The following PTRH1 variants were observed in gnomAD, a reference collection of about 807,000 sequenced individuals.
The protein encoded by PTRH1 is peptidyl-tRNA hydrolase.
A neutral mutation model predicts 15.7 loss-of-function variants in PTRH1; 13 were observed. That is an observed-to-expected ratio of 0.83 (90% CI 0.54 to 1.31). The LOEUF is 1.31. Ranked by LOEUF, PTRH1 falls within the 40% of genes most tolerant of loss-of-function variation. The pLI is 0.00. For synonymous variants in PTRH1, 139 were observed against 136.7 expected, an observed-to-expected ratio of 1.02 and a Z score of -0.12; for missense variants, 319 against 296.2, an observed-to-expected ratio of 1.08 and a Z score of -0.56.
chr9:127,702,398 G>T (rs1452130743), intron 1 of PTRH1, among the ~76,000 whole-genome samples: 1 of 151,666 alleles, frequency 6.6e-6, no homozygotes, highest in Non-Finnish European at 1.5e-5. Context: ...AAAGCCGGAG[G>T]TGGTGCATGC....
At chr9:127,710,776 T>C (rs1244424614), downstream of PTRH1, 4 of 1,554,094 alleles carry the variant, frequency 2.6e-6, no homozygotes, top group African/African-American at 1.4e-5. Flanking sequence ...GGGCACCCTT[T>C]GGGGCCTTTG....
downstream of PTRH1, chr9:127,711,933 G>A: frequency 1.2e-6 from 2 of 1,606,012 alleles, no homozygotes; most frequent in East Asian, 2.2e-5. Context: ...AGCTGCAGGT[G>A]GATAACCAGG....
chr9:127,712,888 C>A, downstream of PTRH1: 1 of 1,603,916 alleles, frequency 6.2e-7, no homozygotes, highest in Non-Finnish European at 8.5e-7. Context: ...AAGCAAGTGG[C>A]CCTGTGTGGC....
chr9:127,702,654 G>C (rs1034632087), intron 1 of PTRH1, among the ~76,000 whole-genome samples: 1 of 152,058 alleles, frequency 6.6e-6, no homozygotes, highest in Non-Finnish European at 1.5e-5. Context: ...TGAGGTGCTG[G>C]GCTTTTGACA....
downstream of PTRH1, chr9:127,712,716 G>A (rs551402620): frequency 3.3e-5 from 53 of 1,614,032 alleles, no homozygotes; most frequent in Non-Finnish European, 4.2e-5. Context: ...CAGATGCACC[G>A]CGATGAAGAG....
downstream of PTRH1, among the ~76,000 whole-genome samples, chr9:127,711,008 A>C (rs991073181): frequency 6.6e-6 from 1 of 152,170 alleles, no homozygotes; most frequent in Non-Finnish European, 1.5e-5. Context: ...TATTGGGATT[A>C]AATCATGTTA....
rs1448527985 is a variant in PTRH1 at position 127,715,102 on chromosome 9, C to T, written c.189G>A (p.Ala63=). The T allele has an allele frequency of 2.0e-6, 3 of 1,533,616 alleles. No individual in the cohort carries two copies. The highest frequency in any genetic ancestry group is 2.6e-6 in the Non-Finnish European group (3 of 1,145,838). The part of the protein sequence containing the change: ...LGQLARRLGV[A]ESWTRDRHCA... ...AGTGCCGGTCGCGCGTCCAACTCTC[C>T]GCCACACCCAGCCGCCGCGCCAGCT... The change falls in exon 2 of 5, where the codon GCG becomes GCA. Residue 63 remains alanine, a synonymous_variant. Transcript: ENST00000543175. This position sits in a 1 kb window ranked among gnomAD's most constrained non-coding sequence, Gnocchi z 5.8.
At chr9:127,711,103 A>G (rs968023325), downstream of PTRH1, 3 of 1,258,200 alleles carry the variant, frequency 2.4e-6, no homozygotes, top group South Asian at 3.1e-5. Flanking sequence ...CATAGCCCCA[A>G]CCCTCCCAGG....
rs1035769803 is a variant in PTRH1, at chr9:127,705,630, C to T, written c.205+9805G>A. Among the ~76,000 whole-genome samples, 5 of 152,222 alleles carry T rather than the reference C, an allele frequency of 3.3e-5. No individual in the cohort carries two copies. Among genetic ancestry groups the T allele is most frequent in the Non-Finnish European group, 7.3e-5 (5 of 68,040 alleles). ...AAAGAGAATAGAAATGGGGGAGGCA[C>T]GGGGAGGCCCCCGGTCAACTGGGAG... is the stretch of plus-strand genomic sequence containing the variant. On this transcript the variant is annotated intron_variant, in intron 1 of 2. Coordinates refer to the PTRH1 transcript ENST00000335223. This position sits in a 1 kb window ranked among gnomAD's most constrained non-coding sequence, Gnocchi z 4.7.
At chr9:127,711,605 C>T (rs778492399), downstream of PTRH1, 5 of 1,403,004 alleles carry the variant, frequency 3.6e-6, no homozygotes, top group Non-Finnish European at 3.8e-6. Flanking sequence ...GGGAGGGAGG[C>T]AGCAGAGAGA....
downstream of PTRH1, chr9:127,709,498 A>G (rs539770707): frequency 8.7e-6 from 14 of 1,614,036 alleles, no homozygotes; most frequent in East Asian, 3.1e-4. This position sits in a 1 kb window ranked among gnomAD's most constrained non-coding sequence, Gnocchi z 4.7. Flanking sequence ...GGCCAATAAC[A>G]AGAAGGAGAT....
At chr9:127,706,175 A>G (rs1842645258) in intron 1 of PTRH1, among the ~76,000 whole-genome samples, 3 of 152,160 alleles carry the variant, frequency 2.0e-5, no homozygotes, top group African/African-American at 7.2e-5. Flanking sequence ...ATGTGAGCCC[A>G]CTTTTGACCA....
rs141693612 is a variant in PTRH1 at position 127,715,617 on chromosome 9, C to G, written c.23G>C (p.Gly8Ala). 6.2e-7 allele frequency: 1 copy of G among 1,612,766 alleles called. No homozygotes were observed. The highest frequency in any genetic ancestry group is 8.5e-7 in the Non-Finnish European group (1 of 1,179,976). MRPGGFL[G>A]AGQRLSRAMS... ...GGCTCTACTCAGCCGCTGTCCGGCG[C>G]CCAAAAAGCCGCCCGGCCTCATGCT... Residue 8 changes from glycine to alanine, a missense_variant, in exon 1 of 5, where the codon GGC becomes GCC. Gly to Ala is a moderately conservative substitution (Grantham distance 60). Transcript: ENST00000543175. The surrounding 1 kb of genome is among the most constrained non-coding windows in gnomAD (Gnocchi z 5.8).
chr9:127,704,432 C>G (rs1424872270), intron 1 of PTRH1, among the ~76,000 whole-genome samples: 1 of 151,048 alleles, frequency 6.6e-6, no homozygotes, highest in African/African-American at 2.4e-5. Context: ...TCGCTTGAAC[C>G]CAGGAGGCAG....
At chr9:127,709,262 C>T (rs56113035), downstream of PTRH1, among the ~76,000 whole-genome samples, 167 of 152,280 alleles carry the variant, frequency 1.1e-3, 1 homozygote, top group Non-Finnish European at 2.0e-3. This position sits in a 1 kb window ranked among gnomAD's most constrained non-coding sequence, Gnocchi z 4.7. Context: ...TCATGACTGT[C>T]GGACCAAGGG....
Position 127,713,971 on chromosome 9 carries a change from C to T in PTRH1, c.*129G>A, listed in dbSNP as rs1434493218. ...AGTCACAGTCACCCCCACTTTAATC[C>T]GCAGGCAGCCTGGAACAGTCTAGAG... On this transcript the variant is annotated 3_prime_UTR_variant, in exon 5 of 5. Transcript: ENST00000543175. 6.3e-7 allele frequency: 1 copy of T among 1,580,070 alleles called. No homozygotes were observed. Among genetic ancestry groups the T allele is most frequent in the African/African-American group, 1.3e-5 (1 of 74,114 alleles).
intron 2 of PTRH1, 34 bp downstream of exon 2, chr9:127,714,941 G>GGGCC: frequency 2.2e-6 from 1 of 446,382 alleles, no homozygotes; most frequent in Non-Finnish European, 4.1e-6. Flanking sequence ...CACCCCCTTG[G>GGGCC]CCCGCCCGCC....
downstream of PTRH1, chr9:127,712,519 C>T: frequency 6.7e-7 from 1 of 1,488,736 alleles, no homozygotes; most frequent in Admixed American, 2.1e-5. Flanking sequence ...CCTCCAAGGT[C>T]TTAAAGGAGC....
At chr9:127,711,416 C>T (rs199787134), downstream of PTRH1, 51 of 1,614,056 alleles carry the variant, frequency 3.2e-5, no homozygotes, top group Middle Eastern at 1.6e-4. Context: ...CAAGGGAAGA[C>T]AGAACAATCT....
Sources: gnomAD v4.1 joint callset for allele counts (sites outside exome capture counted in the v4.1 genomes callset) on GRCh38, gnomAD v4.1.1 for gene constraint, Gnocchi (gnomAD v3.1) non-coding constraint, MANE v1.5 for transcripts, NCBI Gene and HGNC (gene_info 2026-07-23, HGNC 2026-07-21) for gene names.